The following DERA variants were observed in gnomAD, a reference collection of about 807,000 sequenced individuals.
DERA encodes the protein deoxyribose-phosphate aldolase.
In DERA, 15 loss-of-function variants were observed where a neutral mutation model predicts 41.1. The ratio of observed to expected loss-of-function variants is 0.37; its 90% CI spans 0.24 to 0.56. The LOEUF is 0.56. Among genes scored for constraint, DERA ranks in the 20% least tolerant of loss-of-function variants. DERA has a pLI of 0.81. For synonymous variants in DERA, 139 were observed against 137.4 expected (o/e 1.01, Z -0.08); for missense variants, 396 against 403.4 (o/e 0.98, Z 0.16).
Position 16,032,651 on chromosome 12 carries a change from C to A in DERA, c.747C>A (p.Asn249Lys), listed in dbSNP as rs531131655. Residue 249 changes from asparagine (N) to lysine (K), a missense_variant, in exon 7 of 9, where the codon AAC (asparagine) becomes AAA (lysine). By Grantham distance (94) the Asn-to-Lys change is moderately conservative. Coordinates refer to ENST00000428559, the MANE Select transcript of DERA (RefSeq NM_015954.4). ...GAGATTTCTTCTGGAAAACTGGAAA[C>A]AAGGTATATTATTGCCAGCAAATCT... ...AIRDFFWKTG[N>K]KIGFKPAGGI... 3.3e-6 allele frequency: 5 copies of A among 1,535,386 alleles called. No homozygotes were observed. In the African/African-American group the frequency reaches 6.9e-5, roughly 21 times the overall value.
intron 6 of DERA, among the ~76,000 whole-genome samples, chr12:16,006,317 T>G (rs1456297885): frequency 6.6e-6 from 1 of 152,218 alleles, no homozygotes; most frequent in African/African-American, 2.4e-5. Flanking sequence ...GGCTGAAAAT[T>G]GCGTTGCCAG....
intron 6 of DERA, among the ~76,000 whole-genome samples, chr12:16,027,473 C>G (rs1221066005): frequency 6.6e-6 from 1 of 152,164 alleles, no homozygotes; most frequent in Non-Finnish European, 1.5e-5. Flanking sequence ...TCTGGATTAT[C>G]CAGATGGGCT....
intron 1 of DERA, among the ~76,000 whole-genome samples, chr12:15,945,912 C>A (rs1381789837): frequency 2.0e-5 from 3 of 152,106 alleles, no homozygotes; most frequent in African/African-American, 7.2e-5. Context: ...CCCATCAATA[C>A]CTAATTTATT....
chr12:15,915,645 A>C lies in DERA; in HGVS notation c.31+4231A>C, dbSNP rs1948193616. On this transcript the variant is annotated intron_variant, in intron 1 of 8. Coordinates refer to ENST00000428559, the MANE Select transcript of DERA (RefSeq NM_015954.4). The surrounding 1 kb of genome is among the most constrained non-coding windows in gnomAD (Gnocchi z 4.8). ...ATAGGCAAAGGCTATCTGTTTGCAT[A>C]ATAATTCTTCACCTTATTTAATACC... Among the ~76,000 whole-genome samples, 1 of 152,158 alleles carries C rather than the reference A, an allele frequency of 6.6e-6. No homozygotes were observed. The highest frequency in any genetic ancestry group is 2.4e-5 in the African/African-American group (1 of 41,426).
chr12:15,943,059 C>T lies in DERA; in HGVS notation c.32-13877C>T, dbSNP rs10846256. Among the ~76,000 whole-genome samples the T allele has an allele frequency of 0.26, 39,308 of 151,958 alleles. 5,430 individuals are homozygous for T. Among genetic ancestry groups the T allele is most frequent in the Admixed American group, 0.34 (5,253 of 15,260 alleles). The stretch of plus-strand genomic sequence containing the variant: ...AGCATAGAGTGGTTGGGGAGAGGGA[C>T]AGCGATGTCACCCCTGACAGTGTGT... On this transcript the variant is annotated intron_variant, in intron 1 of 8. Coordinates refer to ENST00000428559, the MANE Select transcript of DERA (RefSeq NM_015954.4). The surrounding 1 kb of genome is among the most constrained non-coding windows in gnomAD (Gnocchi z 4.5).
rs1303562290 is a variant in DERA, at chr12:15,938,754, A to G, written c.32-18182A>G. Among the ~76,000 whole-genome samples the G allele has an allele frequency of 2.0e-5, 3 of 152,230 alleles. No homozygotes were observed. Among genetic ancestry groups the G allele is most frequent in the African/African-American group, 4.8e-5 (2 of 41,468 alleles). On this transcript the variant is annotated intron_variant, in intron 1 of 8. Transcript: ENST00000428559. The surrounding 1 kb of genome is among the most constrained non-coding windows in gnomAD (Gnocchi z 4.1). ...CTAATATATTTTTGCCTCCATTCTG[A>G]GACAAAATAGTAAATATTTTTATAA...
Position 15,999,929 on chromosome 12 carries a change from T to G in DERA, c.637+17493T>G, listed in dbSNP as rs1018640088. ...AGGGACATAACCTTTGGGCAATGTG[T>G]TTAGGCTGGAGACAGGAAGGCCATT... On this transcript the variant is annotated intron_variant, in intron 6 of 8. Coordinates refer to ENST00000428559, the MANE Select transcript of DERA (RefSeq NM_015954.4). The surrounding 1 kb of genome is among the most constrained non-coding windows in gnomAD (Gnocchi z 5.3). Among the ~76,000 whole-genome samples the G allele has an allele frequency of 6.6e-6, 1 of 152,130 alleles. No homozygotes were observed. Among genetic ancestry groups the G allele is most frequent in the African/African-American group, 2.4e-5 (1 of 41,414 alleles).
Position 16,035,819 on chromosome 12 carries a change from G to T in DERA, c.751-413G>T, listed in dbSNP as rs1296949769. Reference sequence around the variant, plus strand: ...GTGTCTTTTGAACCTCAAGATGAAGGCTGAGAAGTGACTCTACAGGCTTAC... The same window carrying T: ...GTGTCTTTTGAACCTCAAGATGAAGTCTGAGAAGTGACTCTACAGGCTTAC... On this transcript the variant is annotated intron_variant, in intron 7 of 8. Coordinates refer to ENST00000428559, the MANE Select transcript of DERA (RefSeq NM_015954.4). This position sits in a 1 kb window ranked among gnomAD's most constrained non-coding sequence, Gnocchi z 4.1. 2.0e-5 allele frequency among the ~76,000 whole-genome samples: 3 copies of T among 152,172 alleles called. No homozygotes were observed. Among genetic ancestry groups the T allele is most frequent in the Admixed American group, 2.0e-4 (3 of 15,276 alleles).
Position 15,996,157 on chromosome 12 carries a change from A to ATGTGTGTGTGTG in DERA, c.637+13745_637+13756dup, listed in dbSNP as rs34468299. Among the ~76,000 whole-genome samples, 1 of 145,034 alleles carries ATGTGTGTGTGTG rather than the reference A, an allele frequency of 6.9e-6. No individual in the cohort carries two copies. Among genetic ancestry groups the ATGTGTGTGTGTG allele is most frequent in the Admixed American group, 6.8e-5 (1 of 14,674 alleles). ...GCAGACACAGACACACACACAGAGCATGTGTGTGTGTGTGTGTGTGTGTGT... is the reference window on the plus strand; with the variant it reads ...GCAGACACAGACACACACACAGAGCATGTGTGTGTGTGTGTGTGTGTGTGTGTGTGTGTGTGT... On this transcript the variant is annotated intron_variant, in intron 6 of 8. Transcript: ENST00000428559. The surrounding 1 kb of genome is among the most constrained non-coding windows in gnomAD (Gnocchi z 4.7).
rs1347844567 is a variant in DERA at position 16,010,499 on chromosome 12, A to G, written c.638-22043A>G. ...GCTGCTTTCCCCTTTGCCAGCATAT[A>G]CTGCTTTTGTTGAGGAATCAAGGTC... On this transcript the variant is annotated intron_variant, in intron 6 of 8. Transcript: ENST00000428559. The surrounding 1 kb of genome is among the most constrained non-coding windows in gnomAD (Gnocchi z 5.5). Among the ~76,000 whole-genome samples the G allele has an allele frequency of 2.0e-5, 3 of 151,328 alleles. No individual in the cohort carries two copies. The highest frequency in any genetic ancestry group is 2.0e-4 in the Admixed American group (3 of 15,176).
Position 15,936,686 on chromosome 12 carries a change from G to T in DERA, c.32-20250G>T, listed in dbSNP as rs371910154. Among the ~76,000 whole-genome samples, 33 of 152,308 alleles carry T rather than the reference G, an allele frequency of 2.2e-4. No individual in the cohort carries two copies. The highest frequency in any genetic ancestry group is 1.9e-3 in the South Asian group (9 of 4,830). Reference sequence around the variant, plus strand: ...TAATCCAAGCCATGATACAAATGAAGACTATGTATTTTATTCAGTTGTGTT... The same window carrying T: ...TAATCCAAGCCATGATACAAATGAATACTATGTATTTTATTCAGTTGTGTT... On this transcript the variant is annotated intron_variant, in intron 1 of 8. Coordinates refer to ENST00000428559, the MANE Select transcript of DERA (RefSeq NM_015954.4). The surrounding 1 kb of genome is among the most constrained non-coding windows in gnomAD (Gnocchi z 4.6).
In DERA at chr12:16,036,935, A is replaced by G. The variant is rs1949133504; in HGVS notation, c.*189A>G. 1.8e-6 allele frequency: 1 copy of G among 545,982 alleles called. No individual in the cohort carries two copies. The highest frequency in any genetic ancestry group is 2.0e-5 in the African/African-American group (1 of 50,340). 33.8% of individuals were successfully genotyped at this position (545,982 alleles called of 1,614,324 possible). A position where few individuals can be genotyped will look rare whatever the true frequency, so the allele number is the denominator to read the frequency against. On this transcript the variant is annotated 3_prime_UTR_variant, in exon 9 of 9. Coordinates refer to ENST00000428559, the MANE Select transcript of DERA (RefSeq NM_015954.4). This position sits in a 1 kb window ranked among gnomAD's most constrained non-coding sequence, Gnocchi z 4.9. ...CACATGTGGTACTCATTTCAGGCAC[A>G]TCTGAAATGATCTTAATTACTAGAA... is the stretch of plus-strand genomic sequence containing the variant.
At position 16,011,402 on chromosome 12, in the gene DERA, T is replaced by A. The variant is rs915012385; in HGVS notation, c.638-21140T>A. On this transcript the variant is annotated intron_variant, in intron 6 of 8. Transcript: ENST00000428559. The surrounding 1 kb of genome is among the most constrained non-coding windows in gnomAD (Gnocchi z 4.7). The stretch of plus-strand genomic sequence containing the variant: ...TTTGCATATGCTTACCCTAACCTGG[T>A]TGAGCATCCCAAATCCAAAAATCTG... Among the ~76,000 whole-genome samples the A allele has an allele frequency of 6.6e-6, 1 of 152,212 alleles. No individual in the cohort carries two copies. The highest frequency in any genetic ancestry group is 1.5e-5 in the Non-Finnish European group (1 of 68,028).
intron 4 of DERA, among the ~76,000 whole-genome samples, chr12:15,960,178 T>C (rs1948573052): frequency 1.3e-5 from 2 of 150,682 alleles, no homozygotes; most frequent in Non-Finnish European, 2.9e-5. Context: ...AAAAAAGTCA[T>C]AAGGCATGAC....
rs1202101157 is a variant in DERA, at chr12:16,037,291, C to G, written c.*545C>G. ...TAAAATTTTTAAAATAATAAAGTTC[C>G]TATAGTTTATTTTTTTAAAAAACTT... On this transcript the variant is annotated 3_prime_UTR_variant, in exon 9 of 9. Transcript: ENST00000428559. The surrounding 1 kb of genome is among the most constrained non-coding windows in gnomAD (Gnocchi z 6.7). The G allele has an allele frequency of 2.0e-5, 3 of 151,958 alleles. No homozygotes were observed. The highest frequency in any genetic ancestry group is 7.3e-5 in the African/African-American group (3 of 41,374). 9.4% of individuals were successfully genotyped at this position (151,958 alleles called of 1,614,324 possible).
intron 6 of DERA, among the ~76,000 whole-genome samples, chr12:16,031,431 A>G (rs892093991): frequency 4.6e-5 from 7 of 152,342 alleles, no homozygotes; most frequent in African/African-American, 1.7e-4. Context: ...GTATGGTGCC[A>G]CAGATTCCAT....
Position 16,017,458 on chromosome 12 carries a change from G to A in DERA, c.638-15084G>A, listed in dbSNP as rs1307126873. 1.3e-5 allele frequency among the ~76,000 whole-genome samples: 2 copies of A among 152,028 alleles called. No individual in the cohort carries two copies. The highest frequency in any genetic ancestry group is 4.8e-5 in the African/African-American group (2 of 41,374). On this transcript the variant is annotated intron_variant, in intron 6 of 8. Transcript: ENST00000428559. The surrounding 1 kb of genome is among the most constrained non-coding windows in gnomAD (Gnocchi z 5.5). ...TCTCTTTACCCCCTTTCTCACATGG[G>A]TAGCTAATTATCCTTGGATCATGTA...
chr12:15,987,230 CTTTTT>C (rs995016192), intron 6 of DERA, among the ~76,000 whole-genome samples: 258 of 85,352 alleles, frequency 3.0e-3, no homozygotes, highest in African/African-American at 0.011. Context: ...TATATATGTA[CTTTTT>C]TTTTTTTTTT....
rs544700350 is a variant in DERA at position 15,959,568 on chromosome 12, A to G, written c.278-261A>G. Among the ~76,000 whole-genome samples the G allele has an allele frequency of 3.9e-5, 6 of 152,350 alleles. No individual in the cohort carries two copies. In the South Asian group the frequency reaches 1.0e-3, roughly 26 times the overall value. On this transcript the variant is annotated intron_variant, in intron 3 of 8. Coordinates refer to ENST00000428559, the MANE Select transcript of DERA (RefSeq NM_015954.4). The surrounding 1 kb of genome is among the most constrained non-coding windows in gnomAD (Gnocchi z 4.5). ...CCAAATTTACTATTTAGACATTTTTAAAAAACAGTACTATGTTAATCTCAA... is the reference window on the plus strand; with the variant it reads ...CCAAATTTACTATTTAGACATTTTTGAAAAACAGTACTATGTTAATCTCAA...
Sources: gnomAD v4.1 joint callset for allele counts (sites outside exome capture counted in the v4.1 genomes callset) on GRCh38, gnomAD v4.1.1 for gene constraint, Gnocchi (gnomAD v3.1) non-coding constraint, MANE v1.5 for transcripts, NCBI Gene and HGNC (gene_info 2026-07-23, HGNC 2026-07-21) for gene names.